The following FGD1 variants were observed in gnomAD, a reference collection of about 807,000 sequenced individuals.
FGD1 encodes the protein FYVE, RhoGEF and PH domain containing 1.
In FGD1, 12 loss-of-function variants were observed where a neutral mutation model predicts 65.0. The ratio of observed to expected loss-of-function variants is 0.18; its 90% CI spans 0.12 to 0.30. The LOEUF (loss-of-function observed/expected upper bound fraction) is 0.30. Ranked by LOEUF, FGD1 falls within the 10% of genes least tolerant of loss-of-function variation. FGD1 has a pLI of 1.00. For missense variants in FGD1, 542 were observed against 837.6 expected, an observed-to-expected ratio of 0.65 and a Z score of 4.36; for synonymous variants, 333 against 343.9, an observed-to-expected ratio of 0.97 and a Z score of 0.35.
chrX:54,483,515 G>A (rs952761367), intron 1 of FGD1, among the ~76,000 whole-genome samples: 2 of 112,483 alleles, frequency 1.8e-5, no homozygotes, highest in Non-Finnish European at 3.8e-5. Flanking sequence ...CCTTCCCTCC[G>A]CGATTTAACC....
intron 14 of FGD1, 38 bp from the exon 15 acceptor site, chrX:54,449,306 C>T: frequency 8.3e-7 from 1 of 1,206,193 alleles, no homozygotes; most frequent in East Asian, 3.0e-5. Context: ...GAGACAGCTA[C>T]TCCCCAGCCC....
chrX:54,456,192 C>T (rs1459393411), intron 10 of FGD1, 28 bp downstream of exon 10: 6 of 1,205,206 alleles, frequency 5.0e-6, no homozygotes, highest in Non-Finnish European at 6.7e-6. Flanking sequence ...GGGCATGACC[C>T]ACCCACAATT....
At chrX:54,448,779 G>T (rs769484631) in intron 16 of FGD1, 27 bp downstream of exon 16, 79 of 1,205,289 alleles carry the variant, frequency 6.6e-5, no homozygotes, top group Non-Finnish European at 8.3e-5. Flanking sequence ...CCCACTGTGG[G>T]AGAGTTAGTC....
rs201388252 is a variant in FGD1, at chrX:54,456,616, C to G, written c.1637-49G>C. On this transcript the variant is annotated intron_variant, in intron 8 of 17. Coordinates refer to ENST00000375135, the MANE Select transcript of FGD1 (RefSeq NM_004463.3). The stretch of plus-strand genomic sequence containing the variant: ...CAGATGGGGGACTAGCAGAGAGGAG[C>G]CTTTCCGGGGCTTTGTTTTTTGTTT... The G allele has an allele frequency of 5.3e-4, 551 of 1,043,695 alleles. 2 individuals are homozygous for G. The African/African-American group carries it at 9.9e-3, about 19-fold the overall frequency. The allele number at this position is 1,043,695 out of a possible 1,213,427, so 86.0% of individuals were successfully genotyped here.
chrX:54,491,745 AT>A (rs949097212), intron 1 of FGD1, among the ~76,000 whole-genome samples: 1 of 109,908 alleles, frequency 9.1e-6, no homozygotes, highest in South Asian at 3.8e-4. Flanking sequence ...GTGGAATCAC[AT>A]TTTTTTTTAA....
chrX:54,455,828 G>A (rs1191814422), intron 10 of FGD1, 44 bp from the exon 11 acceptor site: 1 of 1,032,571 alleles, frequency 9.7e-7, no homozygotes, highest in African/African-American at 1.8e-5. Context: ...AGGGCCTAGT[G>A]GGGATGTGGC....
Position 54,449,236 on chromosome X carries a change from G to T in FGD1, c.2181C>A (p.Pro727=). The T allele has an allele frequency of 8.3e-7, 1 of 1,210,365 alleles. No homozygotes were observed. The highest frequency in any genetic ancestry group is 2.3e-4 in the Middle Eastern group (1 of 4,354). The change falls in exon 15 of 18, where the codon CCC becomes CCA. Residue 727 remains proline (P), a synonymous_variant. Transcript: ENST00000375135. ...NVDLGKRAPT[P]IREKEVTMCM... ...ACATGGTGACTTCCTTTTCCCGGATGGGCGTAGGTGCCCGCTTCCCAAGAT... is the reference window on the plus strand; with the variant it reads ...ACATGGTGACTTCCTTTTCCCGGATTGGCGTAGGTGCCCGCTTCCCAAGAT...
At chrX:54,483,991 TC>T (rs1319069002) in intron 1 of FGD1, among the ~76,000 whole-genome samples, 6 of 111,371 alleles carry the variant, frequency 5.4e-5, no homozygotes, top group African/African-American at 2.0e-4. Context: ...GAAAACACAG[TC>T]CCCTGCAATC....
At chrX:54,488,766 C>T (rs1001690243) in intron 1 of FGD1, among the ~76,000 whole-genome samples, 4 of 111,235 alleles carry the variant, frequency 3.6e-5, no homozygotes, top group Non-Finnish European at 7.5e-5. Flanking sequence ...ACCATCTAAC[C>T]TCTGACAGAG....
intron 1 of FGD1, among the ~76,000 whole-genome samples, chrX:54,492,051 G>A (rs56345322): frequency 0.011 from 1,245 of 110,990 alleles, 9 homozygotes; most frequent in Non-Finnish European, 0.016. Context: ...CTGAGGAATA[G>A]AGCAACCATC....
chrX:54,460,885 T>C (rs186883535), intron 8 of FGD1, among the ~76,000 whole-genome samples: 7 of 112,897 alleles, frequency 6.2e-5, no homozygotes, highest in African/African-American at 2.2e-4. Context: ...GCCTTTACCA[T>C]GTGCCAGGCA....
Position 54,459,361 on chromosome X carries a change from G to A in FGD1, c.1637-2794C>T, listed in dbSNP as rs1358244407. Among the ~76,000 whole-genome samples, 4 of 111,215 alleles carry A rather than the reference G, an allele frequency of 3.6e-5. No homozygotes were observed. In the Admixed American group the frequency reaches 3.9e-4, roughly 11 times the overall value. On this transcript the variant is annotated intron_variant, in intron 8 of 17. Coordinates refer to ENST00000375135, the MANE Select transcript of FGD1 (RefSeq NM_004463.3). ...GTTCAGGCTAGGGAGTGCAATCTGC[G>A]GGGCCTGATGTAGGGGCTTGGTTTG...
intron 12 of FGD1, 102 bp downstream of exon 12, chrX:54,455,345 GC>G: frequency 1.5e-6 from 1 of 646,118 alleles, no homozygotes; most frequent in Admixed American, 2.6e-5. Flanking sequence ...GGGGAAAGGT[GC>G]CCATCCTTTC....
rs747008412 is a variant in FGD1 at position 54,470,403 on chromosome X, G to A, written c.714C>T (p.Pro238=). The A allele has an allele frequency of 8.3e-6, 10 of 1,207,657 alleles. No homozygotes were observed. Among genetic ancestry groups the A allele is most frequent in the Non-Finnish European group, 1.0e-5 (9 of 894,912 alleles). The change falls in exon 4 of 18, where the codon CCC becomes CCT. Residue 238 remains proline, a synonymous_variant. Transcript: ENST00000375135. The part of the protein sequence containing the change: ...DRPVPGPSPG[P]PEPVMLPQPT... Reference sequence around the variant, plus strand: ...GCTGTGGCAACATGACTGGCTCTGGGGGACCTGGGCTGGGGCCAGGGACTG... The same window carrying A: ...GCTGTGGCAACATGACTGGCTCTGGAGGACCTGGGCTGGGGCCAGGGACTG...
chrX:54,461,676 G>A (rs1486217597), intron 8 of FGD1, among the ~76,000 whole-genome samples: 1 of 107,620 alleles, frequency 9.3e-6, no homozygotes, highest in Non-Finnish European at 1.9e-5. Flanking sequence ...GACTTGGGCT[G>A]GGGAGAACAC....
Position 54,470,774 on chromosome X carries a change from TG to T in FGD1, c.482-15del. Reference sequence around the variant, plus strand: ...GCTTTGGGGGCACTGGAGAGACGAATGGGGAAGAGAGAAGGGAGACATCAGT... The same window carrying T: ...GCTTTGGGGGCACTGGAGAGACGAATGGGAAGAGAGAAGGGAGACATCAGT... On this transcript the variant is annotated splice_polypyrimidine_tract_variant and intron_variant, in intron 2 of 17. Transcript: ENST00000375135. 1 of 1,008,767 alleles carries T rather than the reference TG, an allele frequency of 9.9e-7. No homozygotes were observed. The highest frequency in any genetic ancestry group is 1.3e-6 in the Non-Finnish European group (1 of 740,978). The allele number at this position is 1,008,767 out of a possible 1,213,427, so 83.1% of individuals were successfully genotyped here. A position where few individuals can be genotyped will look rare whatever the true frequency, so the allele number is the denominator to read the frequency against.
intron 1 of FGD1, among the ~76,000 whole-genome samples, chrX:54,474,173 T>C (rs1325160533): frequency 1.8e-5 from 2 of 111,277 alleles, no homozygotes; most frequent in Non-Finnish European, 3.8e-5. Flanking sequence ...ATCCACGGTG[T>C]CCCTGGGTCT....
rs570837555 is a variant in FGD1 at position 54,470,161 on chromosome X, C to G, written c.956G>C (p.Ser319Thr). ...GGGGTCGGCCAAGGCAACAGGCACA[C>G]TAGCCAGGGCAGGGGGCCCAGGGCA... ...SLCPGPPALA[S>T]VPVALADPHR... Residue 319 changes from serine to threonine, a missense_variant, in exon 4 of 18, where the codon AGT (serine) becomes ACT (threonine). Ser to Thr is a moderately conservative substitution (Grantham distance 58, BLOSUM62 1). This residue lies in a region of FGD1 where 297 missense variants were observed against 326.8 expected (regional missense o/e 0.91). Transcript: ENST00000375135. The G allele has an allele frequency of 1.7e-6, 2 of 1,210,490 alleles. No individual in the cohort carries two copies. The highest frequency in any genetic ancestry group is 3.5e-5 in the South Asian group (2 of 56,605).
At chrX:54,461,976 C>G (rs995690213) in intron 8 of FGD1, among the ~76,000 whole-genome samples, 4 of 111,353 alleles carry the variant, frequency 3.6e-5, no homozygotes, top group Non-Finnish European at 7.5e-5. Context: ...ACTGGGAACC[C>G]ACTCTCAGGG....
Sources: gnomAD v4.1 joint callset for allele counts (sites outside exome capture counted in the v4.1 genomes callset) on GRCh38, gnomAD v4.1.1 for gene constraint, gnomAD v4.1.1 regional missense constraint, MANE v1.5 for transcripts, NCBI Gene and HGNC (gene_info 2026-07-23, HGNC 2026-07-21) for gene names.